The following PLXNA2 variants were observed in gnomAD, a reference collection of about 807,000 sequenced individuals.
The protein encoded by PLXNA2 is plexin A2.
In PLXNA2, 91 loss-of-function variants were observed where a neutral mutation model predicts 193.5. The ratio of observed to expected loss-of-function variants is 0.47; its 90% CI spans 0.40 to 0.56. The LOEUF is 0.56. PLXNA2 is among the 20% of genes least tolerant of loss of function. The pLI is 0.00. For synonymous variants in PLXNA2, 997 were observed against 1,027.3 expected (o/e 0.97, Z 0.56); for missense variants, 1,995 against 2,503.2 (o/e 0.80, Z 4.33).
chr1:208,034,026 A>G (rs1261229907), intron 27 of PLXNA2, among the ~76,000 whole-genome samples: 2 of 152,232 alleles, frequency 1.3e-5, no homozygotes, highest in African/African-American at 4.8e-5. Context: ...AAACCAGAGC[A>G]AATAAAATAA....
chr1:208,240,700 C>T, intron 1 of PLXNA2, among the ~76,000 whole-genome samples: 1 of 144,652 alleles, frequency 6.9e-6, no homozygotes, highest in East Asian at 2.0e-4. Context: ...GACAGTCAGT[C>T]CTGAATTATT....
chr1:208,082,473 G>C lies in PLXNA2; in HGVS notation c.2334C>G (p.Ala778=). The part of the protein sequence containing the change: ...QYDGMDISNL[A]VDFAVVWNGN... ...CGTTCCACACCACAGCGAAATCCAC[G>C]GCCAGATTGCTGATGTCCATGCCAT... The change falls in exon 11 of 32, where the codon GCC becomes GCG. Residue 778 remains alanine (A), a synonymous_variant. Transcript: ENST00000367033. The surrounding 1 kb of genome is among the most constrained non-coding windows in gnomAD (Gnocchi z 4.2). 1 of 1,614,064 alleles carries C rather than the reference G, an allele frequency of 6.2e-7. No homozygotes were observed. The highest frequency in any genetic ancestry group is 8.5e-7 in the Non-Finnish European group (1 of 1,179,966).
chr1:208,056,048 C>T (rs1665421559), intron 13 of PLXNA2, among the ~76,000 whole-genome samples: 1 of 152,252 alleles, frequency 6.6e-6, no homozygotes, highest in Non-Finnish European at 1.5e-5. Context: ...TCTCCTGAAA[C>T]CCCATTAGGG....
chr1:208,111,031 T>C (rs1438064205), intron 4 of PLXNA2, among the ~76,000 whole-genome samples: 3 of 152,060 alleles, frequency 2.0e-5, no homozygotes, highest in Non-Finnish European at 4.4e-5. Flanking sequence ...GGGACATAGA[T>C]TGGGAAGGGT....
At chr1:208,103,091 C>T (rs1028338659) in intron 5 of PLXNA2, 56 bp downstream of exon 5, 21 of 1,208,958 alleles carry the variant, frequency 1.7e-5, no homozygotes, top group South Asian at 6.2e-5. Flanking sequence ...CCATCATTCC[C>T]GGAAAGCCCC....
chr1:208,044,563 C>G lies in PLXNA2; in HGVS notation c.3819G>C (p.Arg1273=). The change falls in exon 20 of 32, where the codon CGG becomes CGC. Residue 1273 remains arginine (R), a synonymous_variant. Transcript: ENST00000367033. This position sits in a 1 kb window ranked among gnomAD's most constrained non-coding sequence, Gnocchi z 4.9. ...CCAGATTGTCCATCTGCATTTGCAGCCGCTTGAGAGTGAGGTCATTTTCTC... is the reference window on the plus strand; with the variant it reads ...CCAGATTGTCCATCTGCATTTGCAGGCGCTTGAGAGTGAGGTCATTTTCTC... ...KSRENDLTLK[R]LQMQMDNLES... 6.2e-7 allele frequency: 1 copy of G among 1,614,128 alleles called. No individual in the cohort carries two copies.
chr1:208,038,268 G>A lies in PLXNA2; in HGVS notation c.4764+103C>T. On this transcript the variant is annotated intron_variant, in intron 26 of 31. Coordinates refer to ENST00000367033, the MANE Select transcript of PLXNA2 (RefSeq NM_025179.4). This position sits in a 1 kb window ranked among gnomAD's most constrained non-coding sequence, Gnocchi z 4.1. ...ATGCTCCAGCAGGAGGAGGAAAGCA[G>A]GGAGAGGAAAATCCTTTTTAGACTT... 1 of 793,416 alleles carries A rather than the reference G, an allele frequency of 1.3e-6. No homozygotes were observed. The highest frequency in any genetic ancestry group is 2.2e-6 in the Non-Finnish European group (1 of 447,176). The allele number at this position is 793,416 out of a possible 1,614,324, so 49.1% of individuals were successfully genotyped here.
At chr1:208,170,448 G>A (rs945570164) in intron 3 of PLXNA2, among the ~76,000 whole-genome samples, 8 of 152,316 alleles carry the variant, frequency 5.3e-5, no homozygotes, top group Admixed American at 2.6e-4. Flanking sequence ...TCTGAACCAC[G>A]GCCAGGAGGA....
chr1:208,092,792 A>G lies in PLXNA2; in HGVS notation c.2091T>C (p.Ile697=), dbSNP rs1666758470. ...TAGGGTAAGCCCTTCTTACCTCTGA[A>G]ATATTGATCCGGCCCTCCTGGAAGG... ...TCSFQEGRIN[I]SEDCPQLVPT... Residue 697 remains isoleucine (I), a synonymous_variant, in exon 9 of 32, where the codon ATT becomes ATC. Transcript: ENST00000367033. The G allele has an allele frequency of 6.2e-7, 1 of 1,611,930 alleles. No individual in the cohort carries two copies. Among genetic ancestry groups the G allele is most frequent in the Admixed American group, 1.7e-5 (1 of 60,000 alleles).
At chr1:208,158,720 G>A (rs959667044) in intron 3 of PLXNA2, among the ~76,000 whole-genome samples, 1 of 152,238 alleles carries the variant, frequency 6.6e-6, no homozygotes, top group African/African-American at 2.4e-5. Flanking sequence ...AGAAAGATTA[G>A]GCAAACACTA....
chr1:208,077,413 A>G (rs1666194718), intron 12 of PLXNA2, among the ~76,000 whole-genome samples: 1 of 152,186 alleles, frequency 6.6e-6, no homozygotes, highest in South Asian at 2.1e-4. Flanking sequence ...GCTGAGGCAG[A>G]GGTTTCCCAG....
chr1:208,041,755 A>G (rs1664878087), intron 22 of PLXNA2, among the ~76,000 whole-genome samples: 1 of 152,140 alleles, frequency 6.6e-6, no homozygotes, highest in Non-Finnish European at 1.5e-5. Flanking sequence ...GATAGGAATT[A>G]TTTTTCTCAT....
intron 3 of PLXNA2, among the ~76,000 whole-genome samples, chr1:208,162,527 G>T (rs1351270449): frequency 6.6e-6 from 1 of 152,194 alleles, no homozygotes; most frequent in Non-Finnish European, 1.5e-5. Flanking sequence ...CTTTCTTTGA[G>T]GAGACTATGG....
intron 1 of PLXNA2, among the ~76,000 whole-genome samples, chr1:208,227,928 A>G (rs1362400945): frequency 3.9e-5 from 6 of 152,236 alleles, no homozygotes; most frequent in Non-Finnish European, 8.8e-5. Flanking sequence ...TTGTGCTGCC[A>G]TTAAACATAA....
At chr1:208,093,003 C>T (rs904639570) in intron 8 of PLXNA2, 103 bp from the exon 9 acceptor site, 9 of 729,464 alleles carry the variant, frequency 1.2e-5, no homozygotes, top group Non-Finnish European at 2.1e-5. Context: ...ATCCTAGTCT[C>T]ATTCTCAGGA....
chr1:208,211,020 G>C (rs571368695), intron 2 of PLXNA2, among the ~76,000 whole-genome samples: 1 of 152,288 alleles, frequency 6.6e-6, no homozygotes, highest in East Asian at 1.9e-4. Flanking sequence ...GGGAATTCTA[G>C]CTCCCTACTA....
At chr1:208,237,330 G>A (rs769085455) in intron 1 of PLXNA2, among the ~76,000 whole-genome samples, 5 of 152,188 alleles carry the variant, frequency 3.3e-5, no homozygotes, top group Non-Finnish European at 5.9e-5. Flanking sequence ...GATAAGAGTA[G>A]ATGCATAATA....
intron 3 of PLXNA2, among the ~76,000 whole-genome samples, chr1:208,148,734 T>C (rs1668670781): frequency 6.6e-6 from 1 of 152,062 alleles, no homozygotes; most frequent in Admixed American, 6.5e-5. Flanking sequence ...TCACCCCTTG[T>C]GAGAAGAGGT....
At position 208,077,581 on chromosome 1, in the gene PLXNA2, C is replaced by T. The variant is rs1666202394; in HGVS notation, c.2586+1679G>A. On this transcript the variant is annotated intron_variant, in intron 12 of 31. Transcript: ENST00000367033. ...GGGTGCCCACAGATGTAGAGACTGACAACTGCAGCAGCAAGAATTACAGAA... is the reference window on the plus strand; with the variant it reads ...GGGTGCCCACAGATGTAGAGACTGATAACTGCAGCAGCAAGAATTACAGAA... Among the ~76,000 whole-genome samples the T allele has an allele frequency of 4.6e-5, 7 of 152,162 alleles. No individual in the cohort carries two copies. In the South Asian group the frequency reaches 1.4e-3, roughly 32 times the overall value.
Sources: allele counts gnomAD v4.1 joint callset (sites outside exome capture counted in the v4.1 genomes callset), GRCh38; gene constraint gnomAD v4.1.1; non-coding constraint Gnocchi (gnomAD v3.1); transcripts MANE v1.5; gene names NCBI Gene and HGNC (gene_info 2026-07-23, HGNC 2026-07-21).